The following GSE1 variants were observed in gnomAD, a reference collection of about 807,000 sequenced individuals.
GSE1 encodes genetic suppressor element 1.
A neutral mutation model predicts 112.6 loss-of-function variants in GSE1; 32 were observed. The ratio of observed to expected loss-of-function variants is 0.28; its 90% CI spans 0.21 to 0.38. GSE1 has a LOEUF of 0.38. Among genes scored for constraint, GSE1 ranks in the 10% least tolerant of loss-of-function variants. The pLI, the probability that GSE1 is intolerant of heterozygous loss-of-function variation, is 1.00. For missense variants in GSE1, 2,348 were observed against 1,699.2 expected, an observed-to-expected ratio of 1.38 and a Z score of -6.71; for synonymous variants, 1,115 against 735.6, an observed-to-expected ratio of 1.52 and a Z score of -8.35.
chr16:85,386,291 G>A (rs939994771), intron 2 of GSE1, among the ~76,000 whole-genome samples: 2 of 152,228 alleles, frequency 1.3e-5, no homozygotes, highest in Non-Finnish European at 2.9e-5. Flanking sequence ...CAGGATGGAC[G>A]GCTGACTCTA....
At chr16:85,218,214 A>G (rs1488557732) in intron 1 of GSE1, among the ~76,000 whole-genome samples, 1 of 152,022 alleles carries the variant, frequency 6.6e-6, no homozygotes, top group Non-Finnish European at 1.5e-5. Context: ...TTTCAGCCTC[A>G]TCTGAAGCTC....
At chr16:85,279,611 C>T (rs987186553) in intron 1 of GSE1, among the ~76,000 whole-genome samples, 1 of 151,988 alleles carries the variant, frequency 6.6e-6, no homozygotes, top group African/African-American at 2.4e-5. Flanking sequence ...ATCAATCAGT[C>T]AGTCAATCAA....
At chr16:85,212,362 C>T (rs908039475) in intron 1 of GSE1, among the ~76,000 whole-genome samples, 5 of 152,018 alleles carry the variant, frequency 3.3e-5, no homozygotes, top group East Asian at 1.9e-4. Context: ...GCTGAGATTG[C>T]GCCACTGCAC....
intron 2 of GSE1, among the ~76,000 whole-genome samples, chr16:85,523,830 C>A (rs1428568623): frequency 6.6e-6 from 1 of 152,234 alleles, no homozygotes; most frequent in Non-Finnish European, 1.5e-5. Flanking sequence ...TGGTTCAGAG[C>A]CAGCAACACC....
chr16:85,668,457 G>T (rs761729902), intron 14 of GSE1, 33 bp downstream of exon 14: 1 of 1,326,826 alleles, frequency 7.5e-7, no homozygotes, highest in Non-Finnish European at 1.1e-6. Context: ...GGGGGAGGGG[G>T]TCAGGAAAGT....
At chr16:85,446,186 G>A (rs1199450887) in intron 2 of GSE1, among the ~76,000 whole-genome samples, 2 of 152,150 alleles carry the variant, frequency 1.3e-5, no homozygotes, top group African/African-American at 4.8e-5. Flanking sequence ...GCGACGTCGG[G>A]GCCTGTTCCC....
chr16:85,613,433 T>C (rs2151556667), intron 1 of GSE1, 35 bp downstream of exon 1: 3 of 1,520,134 alleles, frequency 2.0e-6, no homozygotes, highest in East Asian at 2.5e-5. Flanking sequence ...GACGGGGTCC[T>C]CCCCCCTCCC....
chr16:85,660,224 C>T (rs1000209493), intron 8 of GSE1, among the ~76,000 whole-genome samples: 2 of 152,212 alleles, frequency 1.3e-5, no homozygotes, highest in African/African-American at 2.4e-5. Flanking sequence ...TTCACGCAAG[C>T]AGGTGGGAAA....
intron 1 of GSE1, among the ~76,000 whole-genome samples, chr16:85,287,863 G>T (rs1216359049): frequency 6.6e-6 from 1 of 152,128 alleles, no homozygotes. Context: ...TGTTCACAGC[G>T]GCATCCCTAG....
At chr16:85,407,287 C>G (rs547570859) in intron 2 of GSE1, among the ~76,000 whole-genome samples, 3 of 47,212 alleles carry the variant, frequency 6.4e-5, no homozygotes, top group African/African-American at 3.6e-4. Context: ...ATAATCCTCA[C>G]TGTTACACTC....
At chr16:85,569,420 G>T (rs2045890742) in intron 1 of GSE1, among the ~76,000 whole-genome samples, 1 of 152,248 alleles carries the variant, frequency 6.6e-6, no homozygotes, top group Non-Finnish European at 1.5e-5. Flanking sequence ...TTGTGTATGA[G>T]ACTGTGGGCA....
At chr16:85,192,475 T>C (rs1343699786) in intron 1 of GSE1, among the ~76,000 whole-genome samples, 3 of 152,344 alleles carry the variant, frequency 2.0e-5, no homozygotes, top group South Asian at 2.1e-4. Flanking sequence ...AACAGGAGTT[T>C]CATTGGGTGC....
chr16:85,368,875 C>T (rs1000830674), intron 2 of GSE1, among the ~76,000 whole-genome samples: 1 of 152,142 alleles, frequency 6.6e-6, no homozygotes, highest in Admixed American at 6.5e-5. Flanking sequence ...CTCCCTAGGG[C>T]ATGGACGGCT....
At chr16:85,599,350 G>C (rs1472506788) in intron 1 of GSE1, among the ~76,000 whole-genome samples, 1 of 152,210 alleles carries the variant, frequency 6.6e-6, no homozygotes, top group African/African-American at 2.4e-5. Flanking sequence ...GTTCCCCAGG[G>C]CTGAGCGGCA....
chr16:85,667,812 C>G (rs1345363756), intron 13 of GSE1, among the ~76,000 whole-genome samples: 1 of 152,172 alleles, frequency 6.6e-6, no homozygotes, highest in Non-Finnish European at 1.5e-5. Context: ...GAGCCGAGAT[C>G]ACGCCATTTC....
Position 85,465,479 on chromosome 16 carries a change from G to C in GSE1, c.2464+107836G>C, listed in dbSNP as rs115929887. ...TCCCATTCGTTCCATGGGGATGGCA[G>C]GACTGCCCTGCTAGGGGTAAGTGCA... On this transcript the variant is annotated intron_variant, in intron 2 of 2. Coordinates refer to the GSE1 transcript ENST00000637419. 4.4e-3 allele frequency among the ~76,000 whole-genome samples: 667 copies of C among 152,382 alleles called. 5 individuals are homozygous for C. Among genetic ancestry groups the C allele is most frequent in the African/African-American group, 0.015 (620 of 41,594 alleles).
At chr16:85,217,426 G>A (rs1165756112) in intron 1 of GSE1, among the ~76,000 whole-genome samples, 1 of 152,188 alleles carries the variant, frequency 6.6e-6, no homozygotes, top group Non-Finnish European at 1.5e-5. Flanking sequence ...CCAGAGAACC[G>A]TGTGCCCTGC....
chr16:85,426,207 A>ATGGC (rs1567477380), intron 2 of GSE1, among the ~76,000 whole-genome samples: 1 of 148,226 alleles, frequency 6.7e-6, no homozygotes, highest in African/African-American at 2.5e-5. Flanking sequence ...GGCTGGATGG[A>ATGGC]TGGATGGATG....
intron 1 of GSE1, among the ~76,000 whole-genome samples, chr16:85,217,189 T>C (rs1371096622): frequency 6.6e-6 from 1 of 152,224 alleles, no homozygotes; most frequent in Non-Finnish European, 1.5e-5. Context: ...AAGCTCCCTG[T>C]GACGCGCTGC....
Sources: allele counts gnomAD v4.1 joint callset (sites outside exome capture counted in the v4.1 genomes callset), GRCh38; gene constraint gnomAD v4.1.1; transcripts MANE v1.5; gene names NCBI Gene and HGNC (gene_info 2026-07-23, HGNC 2026-07-21).